Variants in KCNT2 observed in about 807,000 individuals in gnomAD.
KCNT2 encodes potassium channel subfamily T member 2.
In KCNT2, 67 loss-of-function variants were observed where a neutral mutation model predicts 153.8. The ratio of observed to expected loss-of-function variants is 0.44; its 90% CI spans 0.36 to 0.53. The LOEUF (loss-of-function observed/expected upper bound fraction) is 0.53, where lower values mean the gene tolerates loss of function less well. Among genes scored for constraint, KCNT2 ranks in the 20% least tolerant of loss-of-function variants. The pLI is 0.00. For missense variants in KCNT2, 975 were observed against 1,354.8 expected (o/e 0.72, Z 4.40); for synonymous variants, 500 against 458.8 (o/e 1.09, Z -1.15).
intron 14 of KCNT2, among the ~76,000 whole-genome samples, chr1:196,355,197 G>T (rs1667074569): frequency 6.6e-6 from 1 of 151,096 alleles, no homozygotes; most frequent in African/African-American, 2.4e-5. Flanking sequence ...AAGTACTTGA[G>T]AACTCCAGAT....
At chr1:196,590,752 C>T (rs1663243049) in intron 1 of KCNT2, among the ~76,000 whole-genome samples, 1 of 152,140 alleles carries the variant, frequency 6.6e-6, no homozygotes, top group African/African-American at 2.4e-5. Flanking sequence ...ATCGAGTTCA[C>T]CTCAACCACA....
At chr1:196,378,857 T>C (rs992337568) in intron 13 of KCNT2, among the ~76,000 whole-genome samples, 1 of 149,312 alleles carries the variant, frequency 6.7e-6, no homozygotes, top group Non-Finnish European at 1.5e-5. Context: ...CATGGTTACT[T>C]GGGTGCCTAA....
intron 19 of KCNT2, among the ~76,000 whole-genome samples, chr1:196,320,567 C>A (rs2147468): frequency 2.0e-5 from 3 of 151,684 alleles, no homozygotes; most frequent in Non-Finnish European, 4.4e-5. Context: ...GAAGAAAATT[C>A]TAGGCCAAGA....
At chr1:196,480,646 G>C (rs544145805) in intron 4 of KCNT2, among the ~76,000 whole-genome samples, 12 of 151,924 alleles carry the variant, frequency 7.9e-5, no homozygotes, top group Non-Finnish European at 1.6e-4. Flanking sequence ...ACGAGGTCAG[G>C]AGATCGAGAC....
At chr1:196,359,253 A>G (rs1421749794) in intron 14 of KCNT2, among the ~76,000 whole-genome samples, 1 of 151,972 alleles carries the variant, frequency 6.6e-6, no homozygotes, top group Non-Finnish European at 1.5e-5. Context: ...GTCTTACTAT[A>G]TCACCCTTTA....
At chr1:196,408,822 G>A (rs1672048184) in intron 12 of KCNT2, among the ~76,000 whole-genome samples, 1 of 151,408 alleles carries the variant, frequency 6.6e-6, no homozygotes, top group South Asian at 2.1e-4. Flanking sequence ...TGTTTCATGT[G>A]TACTTGAAAA....
intron 26 of KCNT2, among the ~76,000 whole-genome samples, chr1:196,241,072 A>C (rs1571761741): frequency 6.6e-6 from 1 of 152,126 alleles, no homozygotes. Flanking sequence ...AAGACAGAGA[A>C]AGAGACTTAG....
rs1334171252 is a variant in KCNT2 at position 196,228,071 on chromosome 1, G to A, written c.*153C>T. Reference sequence around the variant, plus strand: ...AGAGTACCAGTAAGTAGTACATTAAGTTTCAAAATGATCTATACTTCTAAG... The same window carrying A: ...AGAGTACCAGTAAGTAGTACATTAAATTTCAAAATGATCTATACTTCTAAG... On this transcript the variant is annotated 3_prime_UTR_variant, in exon 28 of 28. Transcript: ENST00000294725. The A allele has an allele frequency of 7.0e-5, 39 of 557,772 alleles. No individual in the cohort carries two copies. The highest frequency in any genetic ancestry group is 1.2e-4 in the Non-Finnish European group (38 of 313,768). 34.6% of individuals were successfully genotyped at this position (557,772 alleles called of 1,614,324 possible). A position where few individuals can be genotyped will look rare whatever the true frequency, so the allele number is the denominator to read the frequency against.
At chr1:196,417,573 T>C (rs1345957444) in intron 12 of KCNT2, among the ~76,000 whole-genome samples, 12 of 152,122 alleles carry the variant, frequency 7.9e-5, no homozygotes, top group Admixed American at 7.9e-4. Flanking sequence ...TTCCTGCTTT[T>C]CAATTTAAAT....
chr1:196,247,059 G>T (rs954124901), intron 26 of KCNT2, among the ~76,000 whole-genome samples: 1 of 151,820 alleles, frequency 6.6e-6, no homozygotes, highest in Non-Finnish European at 1.5e-5. Context: ...CCCTTGTAAA[G>T]ACACACATAG....
intron 8 of KCNT2, among the ~76,000 whole-genome samples, chr1:196,444,310 T>G (rs1450468149): frequency 6.6e-6 from 1 of 151,442 alleles, no homozygotes; most frequent in African/African-American, 2.4e-5. Context: ...TAAATATACC[T>G]TTACTCCCTT....
intron 8 of KCNT2, among the ~76,000 whole-genome samples, chr1:196,434,822 T>C (rs986369773): frequency 1.6e-4 from 24 of 151,738 alleles, no homozygotes; most frequent in African/African-American, 5.8e-4. Context: ...TCTCATTTAC[T>C]TGATACCCTG....
At chr1:196,318,730 T>G (rs974055791) in intron 20 of KCNT2, among the ~76,000 whole-genome samples, 11 of 151,764 alleles carry the variant, frequency 7.2e-5, no homozygotes, top group Non-Finnish European at 1.6e-4. Context: ...TGACCTTTAA[T>G]GTATCCACAG....
chr1:196,398,740 GCAAT>G (rs1671164231), intron 12 of KCNT2, 69 bp from the exon 13 acceptor site: 1 of 829,216 alleles, frequency 1.2e-6, no homozygotes, highest in African/African-American at 1.7e-5. Flanking sequence ...GTAAAAGTAA[GCAAT>G]CAGTTTGCTT....
At chr1:196,561,548 T>A (rs1659385653) in intron 1 of KCNT2, among the ~76,000 whole-genome samples, 1 of 149,206 alleles carries the variant, frequency 6.7e-6, no homozygotes, top group Admixed American at 6.7e-5. Flanking sequence ...CAAGTTTCAA[T>A]CAATTTAGAA....
At chr1:196,514,350 C>T (rs1431982173) in intron 1 of KCNT2, among the ~76,000 whole-genome samples, 1 of 152,030 alleles carries the variant, frequency 6.6e-6, no homozygotes, top group Non-Finnish European at 1.5e-5. Flanking sequence ...AATTTTCAGT[C>T]ATCCCTTCTT....
chr1:196,371,268 T>C (rs985740652), intron 14 of KCNT2, among the ~76,000 whole-genome samples: 1 of 141,968 alleles, frequency 7.0e-6, no homozygotes, highest in Admixed American at 7.1e-5. Flanking sequence ...TGGTGGTTCA[T>C]GACTATAGTC....
chr1:196,594,666 A>T (rs1162320428), intron 1 of KCNT2, among the ~76,000 whole-genome samples: 3 of 152,148 alleles, frequency 2.0e-5, no homozygotes, highest in Middle Eastern at 3.2e-3. Flanking sequence ...ATATGGAGTA[A>T]TCAGAGTGAT....
At chr1:196,295,005 T>C (rs1660551359) in intron 22 of KCNT2, among the ~76,000 whole-genome samples, 1 of 151,630 alleles carries the variant, frequency 6.6e-6, no homozygotes, top group Admixed American at 6.6e-5. Context: ...CAATAAATAA[T>C]AATGTATTGT....
Sources: gnomAD v4.1 joint callset for allele counts (sites outside exome capture counted in the v4.1 genomes callset) on GRCh38, gnomAD v4.1.1 for gene constraint, MANE v1.5 for transcripts, NCBI Gene and HGNC (gene_info 2026-07-23, HGNC 2026-07-21) for gene names.